ERBIN: variants seen among roughly 807,000 people sequenced by gnomAD.
ERBIN encodes the protein erbb2 interacting protein.
Under a neutral mutation model 158.4 loss-of-function variants are expected in ERBIN, and 60 were observed. The ratio of observed to expected loss-of-function variants is 0.38; its 90% CI spans 0.31 to 0.47. The LOEUF is 0.47. ERBIN is among the 20% of genes least tolerant of loss of function. The pLI is 0.99. For synonymous variants in ERBIN, 594 were observed against 557.2 expected (o/e 1.07, Z -0.93); for missense variants, 1,610 against 1,648.0 (o/e 0.98, Z 0.40).
chr5:66,048,747 G>A lies in ERBIN; in HGVS notation c.1869G>A (p.Gln623=). ...CATTAATTGAAACCTCTATTAACCA[G>A]CCAAAAGTCGTAGCACTTAGTAATA... is the stretch of plus-strand genomic sequence containing the variant. ...RPPLIETSIN[Q]PKVVALSNNK... is the part of the protein sequence containing the mutation. The change falls in exon 19 of 26, where the codon CAG becomes CAA. Residue 623 remains glutamine (Q), a synonymous_variant. Transcript: ENST00000284037. 6.2e-7 allele frequency: 1 copy of A among 1,606,522 alleles called. No individual in the cohort carries two copies. Among genetic ancestry groups the A allele is most frequent in the Non-Finnish European group, 8.5e-7 (1 of 1,176,368 alleles).
At chr5:66,035,349 C>T (rs59057796) in intron 14 of ERBIN, among the ~76,000 whole-genome samples, 5,854 of 152,160 alleles carry the variant, frequency 0.038, 377 homozygotes, top group African/African-American at 0.13. Context: ...AAATATATTT[C>T]CCCCACACCC....
chr5:65,987,760 G>T (rs911990248), intron 1 of ERBIN, among the ~76,000 whole-genome samples: 1 of 151,014 alleles, frequency 6.6e-6, no homozygotes, highest in South Asian at 2.1e-4. Flanking sequence ...CAGGAGAATC[G>T]CTTGAACCTA....
chr5:65,982,098 CAA>C (rs752878239), intron 1 of ERBIN, among the ~76,000 whole-genome samples: 35 of 152,148 alleles, frequency 2.3e-4, no homozygotes, highest in Admixed American at 2.0e-4. Flanking sequence ...AGATTAGAGA[CAA>C]AGAGAGATTA....
chr5:65,976,465 T>G (rs566325487), intron 1 of ERBIN, among the ~76,000 whole-genome samples: 82 of 152,054 alleles, frequency 5.4e-4, no homozygotes, highest in Non-Finnish European at 5.7e-4. Flanking sequence ...AGAATGAGAC[T>G]GTCTCACCCC....
In ERBIN at chr5:66,076,919, A is replaced by G; in HGVS notation, c.4101A>G (p.Lys1367=). Residue 1367 remains lysine (K), a synonymous_variant, in exon 25 of 26, where the codon AAA becomes AAG. Coordinates refer to ENST00000284037, the MANE Select transcript of ERBIN (RefSeq NM_001253697.2). ...TACAACCTGAAGGACCAGCATCAAAATTACTGCAGCCAGGTGATAAAATTA... is the reference window on the plus strand; with the variant it reads ...TACAACCTGAAGGACCAGCATCAAAGTTACTGCAGCCAGGTGATAAAATTA... ...TRVQPEGPAS[K]LLQPGDKIIQ... The G allele has an allele frequency of 6.2e-7, 1 of 1,609,496 alleles. No individual in the cohort carries two copies. Among genetic ancestry groups the G allele is most frequent in the Non-Finnish European group, 8.5e-7 (1 of 1,177,166 alleles).
At chr5:65,989,477 T>C (rs1178395863) in intron 2 of ERBIN, among the ~76,000 whole-genome samples, 1 of 152,222 alleles carries the variant, frequency 6.6e-6, no homozygotes, top group Non-Finnish European at 1.5e-5. Flanking sequence ...ATTTCAACTC[T>C]ATTTAGCTTC....
At chr5:66,069,125 A>C in intron 21 of ERBIN, 1 of 1,070,790 alleles carries the variant, frequency 9.3e-7, no homozygotes, top group Non-Finnish European at 1.3e-6. Context: ...TCTGGGTTAG[A>C]AACCTTGATT....
chr5:65,964,518 T>C (rs1309461274), intron 1 of ERBIN, among the ~76,000 whole-genome samples: 1 of 152,176 alleles, frequency 6.6e-6, no homozygotes, highest in Admixed American at 6.5e-5. Context: ...TTGTATAAGA[T>C]TACTGAAATT....
At chr5:66,062,530 CCT>C (rs201447212) in intron 21 of ERBIN, among the ~76,000 whole-genome samples, 6,117 of 152,216 alleles carry the variant, frequency 0.04, 414 homozygotes, top group African/African-American at 0.14. Flanking sequence ...CTGAAGCCTT[CCT>C]CTCTCAACTC....
At chr5:65,933,751 A>G (rs1743732389) in intron 1 of ERBIN, among the ~76,000 whole-genome samples, 2 of 152,106 alleles carry the variant, frequency 1.3e-5, no homozygotes, top group East Asian at 1.9e-4. Context: ...ATCTGTAGGT[A>G]TACCCCTCCC....
At chr5:65,994,475 ATT>A (rs200496528) in intron 3 of ERBIN, among the ~76,000 whole-genome samples, 1 of 151,978 alleles carries the variant, frequency 6.6e-6, no homozygotes, top group Admixed American at 6.6e-5. Flanking sequence ...GTAGCCACTT[ATT>A]TTTTTTACTA....
At chr5:65,981,914 G>T (rs906249042) in intron 1 of ERBIN, among the ~76,000 whole-genome samples, 2 of 152,138 alleles carry the variant, frequency 1.3e-5, no homozygotes, top group African/African-American at 4.8e-5. Flanking sequence ...AAGTCACAAG[G>T]CCTGCCCAAA....
intron 4 of ERBIN, among the ~76,000 whole-genome samples, chr5:66,010,107 A>T (rs558129890): frequency 2.6e-5 from 4 of 152,110 alleles, no homozygotes; most frequent in Admixed American, 6.5e-5. Flanking sequence ...ACTTTCGCGT[A>T]TTGCATTTAT....
intron 19 of ERBIN, among the ~76,000 whole-genome samples, chr5:66,049,291 A>C (rs1758785753): frequency 1.3e-5 from 2 of 152,050 alleles, no homozygotes; most frequent in South Asian, 2.1e-4. Flanking sequence ...GAGATCTTGA[A>C]GGATATGTAT....
intron 21 of ERBIN, among the ~76,000 whole-genome samples, chr5:66,070,768 T>C (rs910310923): frequency 6.6e-6 from 1 of 152,240 alleles, no homozygotes; most frequent in African/African-American, 2.4e-5. Context: ...TGGTTTGAAC[T>C]AACTGCACAT....
At chr5:65,980,535 A>T (rs141833645) in intron 1 of ERBIN, among the ~76,000 whole-genome samples, 2 of 152,338 alleles carry the variant, frequency 1.3e-5, no homozygotes, top group African/African-American at 4.8e-5. Context: ...TTAAAACAGA[A>T]ATTGTCAAAT....
chr5:66,024,331 C>T lies in ERBIN; in HGVS notation c.698C>T (p.Thr233Ile), dbSNP rs1756011673. 2 of 1,560,424 alleles carry T rather than the reference C, an allele frequency of 1.3e-6. No individual in the cohort carries two copies. The highest frequency in any genetic ancestry group is 8.8e-7 in the Non-Finnish European group (1 of 1,141,240). Residue 233 changes from threonine to isoleucine, a missense_variant, in exon 10 of 26, where the codon ACA becomes ATA. By Grantham distance (89) the Thr-to-Ile change is moderately conservative. Transcript: ENST00000284037. ...PGFIGSLKQL[T>I]YLDVSKNNIE... ...TTTATTGGTAGTTTGAAACAGCTCA[C>T]ATATTTGGATGTTTCTAAAAATAAT...
At chr5:65,933,735 G>T (rs1743730989) in intron 1 of ERBIN, among the ~76,000 whole-genome samples, 1 of 151,952 alleles carries the variant, frequency 6.6e-6, no homozygotes, top group Admixed American at 6.6e-5. Context: ...ATTCCGTTCT[G>T]TTCTTATCTG....
At chr5:65,955,314 A>G (rs1746970003) in intron 1 of ERBIN, among the ~76,000 whole-genome samples, 1 of 152,118 alleles carries the variant, frequency 6.6e-6, no homozygotes, top group South Asian at 2.1e-4. Flanking sequence ...CAATTGCTGT[A>G]ATCTGCTTCT....
Sources: gnomAD v4.1 joint callset for allele counts (sites outside exome capture counted in the v4.1 genomes callset) on GRCh38, gnomAD v4.1.1 for gene constraint, MANE v1.5 for transcripts, NCBI Gene and HGNC (gene_info 2026-07-23, HGNC 2026-07-21) for gene names.